The following GHR variants were observed in gnomAD, a reference collection of about 807,000 sequenced individuals.
GHR encodes the protein GH receptor.
GHR carries 35 observed loss-of-function variants against 67.1 expected under a neutral mutation model. That is an observed-to-expected ratio of 0.52 (90% CI 0.40 to 0.69). The LOEUF is 0.69. GHR is among the 30% of genes least tolerant of loss of function. The pLI, the probability that GHR is intolerant of heterozygous loss-of-function variation, is 0.00. For missense variants in GHR, 792 were observed against 764.6 expected, an observed-to-expected ratio of 1.04 and a Z score of -0.42; for synonymous variants, 272 against 269.1, an observed-to-expected ratio of 1.01 and a Z score of -0.10.
intron 1 of GHR, among the ~76,000 whole-genome samples, chr5:42,560,736 C>A (rs1749560271): frequency 6.6e-6 from 1 of 152,122 alleles, no homozygotes; most frequent in Non-Finnish European, 1.5e-5. Context: ...AGTCCTATGA[C>A]CTTCTCCTCC....
intron 6 of GHR, among the ~76,000 whole-genome samples, chr5:42,703,658 A>G (rs1394710108): frequency 6.6e-6 from 1 of 152,044 alleles, no homozygotes; most frequent in Non-Finnish European, 1.5e-5. Context: ...ACATTCGAAC[A>G]ATATTAATTC....
In GHR at chr5:42,424,464, G is replaced by A. The variant is rs1742754948; in HGVS notation, c.-12+509G>A. On this transcript the variant is annotated intron_variant, in intron 1 of 9. Transcript: ENST00000230882. This position sits in a 1 kb window ranked among gnomAD's most constrained non-coding sequence, Gnocchi z 4.1. ...CGGCAGCGCGACTGGAGAGACTGGG[G>A]AGGTCGAGCTGTGCGCGTGGACACA... 5 of 749,834 alleles carry A rather than the reference G, an allele frequency of 6.7e-6. No homozygotes were observed. The Admixed American group carries it at 8.4e-5, about 13-fold the overall frequency. The allele number at this position is 749,834 out of a possible 1,614,324, so 46.4% of individuals were successfully genotyped here.
chr5:42,649,978 C>T (rs1040442275), intron 3 of GHR, among the ~76,000 whole-genome samples: 3 of 152,150 alleles, frequency 2.0e-5, no homozygotes, highest in Non-Finnish European at 4.4e-5. Context: ...GAAATATAGA[C>T]TTCAGTTGGA....
chr5:42,648,220 T>C (rs1255265084), intron 3 of GHR, among the ~76,000 whole-genome samples: 2 of 152,164 alleles, frequency 1.3e-5, no homozygotes, highest in African/African-American at 4.8e-5. Flanking sequence ...GTGATAACAA[T>C]GTGCAAGTTT....
chr5:42,455,339 T>A (rs1288686741), intron 1 of GHR, among the ~76,000 whole-genome samples: 1 of 152,100 alleles, frequency 6.6e-6, no homozygotes, highest in Non-Finnish European at 1.5e-5. Context: ...GGAAAAAAGG[T>A]TCACAGTCTG....
intron 3 of GHR, among the ~76,000 whole-genome samples, chr5:42,663,642 T>G (rs1755787818): frequency 1.3e-5 from 2 of 152,198 alleles, no homozygotes; most frequent in Non-Finnish European, 2.9e-5. Flanking sequence ...AATATCATAC[T>G]GAATGGGCAA....
chr5:42,670,849 A>T (rs536987781), intron 3 of GHR, among the ~76,000 whole-genome samples: 114 of 121,550 alleles, frequency 9.4e-4, no homozygotes, highest in African/African-American at 2.9e-3. Flanking sequence ...AATTTTTTTT[A>T]AAAAAAAGCA....
rs1443802752 is a variant in GHR, at chr5:42,685,543, A to AATTT, written c.137-3345_137-3342dup. Reference sequence around the variant, plus strand: ...CACTGTCTTCCACAATGGTTGAACTAATTTACACTCCCACCAACAGTGTAA... The same window carrying AATTT: ...CACTGTCTTCCACAATGGTTGAACTAATTTATTTACACTCCCACCAACAGTGTAA... On this transcript the variant is annotated intron_variant, in intron 3 of 9. Transcript: ENST00000230882. 5.3e-5 allele frequency among the ~76,000 whole-genome samples: 8 copies of AATTT among 152,346 alleles called. No homozygotes were observed. In the South Asian group the frequency reaches 1.2e-3, roughly 24 times the overall value.
intron 1 of GHR, among the ~76,000 whole-genome samples, chr5:42,511,217 T>C (rs1747001571): frequency 6.6e-6 from 1 of 152,228 alleles, no homozygotes; most frequent in Non-Finnish European, 1.5e-5. Flanking sequence ...GGATTTCTTC[T>C]TCTATTTCAG....
At chr5:42,503,545 C>G (rs539366476) in intron 1 of GHR, among the ~76,000 whole-genome samples, 2 of 152,128 alleles carry the variant, frequency 1.3e-5, no homozygotes, top group South Asian at 4.1e-4. Context: ...GTGGATTTGA[C>G]AAATATTTAT....
At chr5:42,593,472 T>C (rs1376018462) in intron 2 of GHR, among the ~76,000 whole-genome samples, 1 of 152,214 alleles carries the variant, frequency 6.6e-6, no homozygotes, top group Admixed American at 6.5e-5. Flanking sequence ...GTCCTGCCTA[T>C]ATTCAAGGTC....
At chr5:42,585,126 T>C (rs1031714030) in intron 2 of GHR, among the ~76,000 whole-genome samples, 1 of 152,204 alleles carries the variant, frequency 6.6e-6, no homozygotes, top group African/African-American at 2.4e-5. Flanking sequence ...ATTTGTGCAA[T>C]AGTTTAAGCC....
chr5:42,627,250 T>C (rs6451627), intron 2 of GHR, among the ~76,000 whole-genome samples: 51,932 of 152,038 alleles, frequency 0.34, 10,212 homozygotes, highest in African/African-American at 0.55. Flanking sequence ...TATATTTCTC[T>C]TCATTCTTAC....
At chr5:42,429,344 A>G (rs1053953767) in intron 1 of GHR, among the ~76,000 whole-genome samples, 3 of 152,218 alleles carry the variant, frequency 2.0e-5, no homozygotes, top group Non-Finnish European at 2.9e-5. Context: ...TCCTCCCATG[A>G]CACATGGGGA....
chr5:42,611,382 T>C (rs535657099), intron 2 of GHR, among the ~76,000 whole-genome samples: 28 of 152,266 alleles, frequency 1.8e-4, no homozygotes, highest in African/African-American at 6.3e-4. Context: ...CTTTATCCTG[T>C]ATTTCAATTC....
At chr5:42,465,676 C>T in intron 1 of GHR, 1 of 858,218 alleles carries the variant, frequency 1.2e-6, no homozygotes. Flanking sequence ...GTTACAGGTC[C>T]TCGTGCTTCA....
In GHR at chr5:42,424,115, C is replaced by T. The variant is rs925014789; in HGVS notation, c.-12+160C>T. Among the ~76,000 whole-genome samples, 3 of 151,638 alleles carry T rather than the reference C, an allele frequency of 2.0e-5. No homozygotes were observed. The highest frequency in any genetic ancestry group is 7.3e-5 in the African/African-American group (3 of 41,210). On this transcript the variant is annotated intron_variant, in intron 1 of 9. Transcript: ENST00000230882. The surrounding 1 kb of genome is among the most constrained non-coding windows in gnomAD (Gnocchi z 4.1). ...TTATTCCGGATGACTTGGCTGTGCT[C>T]CCCTCCTCCTTGCGAAGAAGTTGTT...
chr5:42,452,918 G>T (rs150630193), intron 1 of GHR, among the ~76,000 whole-genome samples: 3 of 151,930 alleles, frequency 2.0e-5, no homozygotes, highest in Admixed American at 1.3e-4. Flanking sequence ...TTCCTGGTTC[G>T]GATCCATTGT....
intron 2 of GHR, among the ~76,000 whole-genome samples, chr5:42,599,663 C>A (rs1270306797): frequency 6.6e-6 from 1 of 152,144 alleles, no homozygotes; most frequent in East Asian, 1.9e-4. Context: ...CCACGCCTGG[C>A]CCACACCACA....
Sources: allele counts gnomAD v4.1 joint callset (sites outside exome capture counted in the v4.1 genomes callset), GRCh38; gene constraint gnomAD v4.1.1; non-coding constraint Gnocchi (gnomAD v3.1); transcripts MANE v1.5; gene names NCBI Gene and HGNC (gene_info 2026-07-23, HGNC 2026-07-21).